The following EXOC6 variants were observed in gnomAD, a reference collection of about 807,000 sequenced individuals.
EXOC6 encodes exocyst complex component 6.
EXOC6 carries 60 observed loss-of-function variants against 112.5 expected under a neutral mutation model. That is an observed-to-expected ratio of 0.53 (90% confidence interval 0.43 to 0.66). The LOEUF is 0.66. Ranked by LOEUF, EXOC6 falls within the 30% of genes least tolerant of loss-of-function variation. The probability of loss-of-function intolerance (pLI) is 0.00; values close to 1 mark genes in which losing one functional copy is unlikely to be tolerated. For synonymous variants in EXOC6, 295 were observed against 308.0 expected (o/e 0.96, Z 0.44); for missense variants, 855 against 957.1 (o/e 0.89, Z 1.41).
chr10:93,055,302 A>G (rs1400175016), intron 20 of EXOC6, among the ~76,000 whole-genome samples: 1 of 152,252 alleles, frequency 6.6e-6, no homozygotes, highest in Non-Finnish European at 1.5e-5. Flanking sequence ...GTCATCATAC[A>G]GATAGACCTC....
At chr10:92,936,826 G>A (rs1425517178) in intron 12 of EXOC6, among the ~76,000 whole-genome samples, 2 of 151,834 alleles carry the variant, frequency 1.3e-5, no homozygotes, top group Admixed American at 6.6e-5. Context: ...CTCCCTCCTC[G>A]ATATTAGGAA....
At chr10:92,984,008 A>G (rs1166516554) in intron 18 of EXOC6, among the ~76,000 whole-genome samples, 1 of 152,172 alleles carries the variant, frequency 6.6e-6, no homozygotes, top group Non-Finnish European at 1.5e-5. Flanking sequence ...CATTCTGACA[A>G]CCACAATCAA....
chr10:93,023,896 A>C (rs904165720), intron 20 of EXOC6, among the ~76,000 whole-genome samples: 1 of 146,546 alleles, frequency 6.8e-6, no homozygotes, highest in Non-Finnish European at 1.5e-5. Flanking sequence ...TTCACTAAAT[A>C]TCACTGGGAA....
chr10:92,860,496 C>T (rs1472420562), intron 1 of EXOC6, among the ~76,000 whole-genome samples: 4 of 151,952 alleles, frequency 2.6e-5, no homozygotes, highest in East Asian at 1.9e-4. Flanking sequence ...CTCCTGACCT[C>T]GTGATCCACC....
At chr10:92,936,995 T>C (rs561210189) in intron 12 of EXOC6, among the ~76,000 whole-genome samples, 1 of 152,172 alleles carries the variant, frequency 6.6e-6, no homozygotes, top group Non-Finnish European at 1.5e-5. Flanking sequence ...AGGAACAATG[T>C]CACCCCCTGA....
intron 18 of EXOC6, among the ~76,000 whole-genome samples, chr10:92,983,773 A>G (rs893299939): frequency 2.6e-5 from 4 of 152,020 alleles, no homozygotes; most frequent in Non-Finnish European, 1.5e-5. Flanking sequence ...TCCCAAAGTG[A>G]TAGGATTATA....
chr10:93,039,367 C>T (rs1845662116), intron 20 of EXOC6, among the ~76,000 whole-genome samples: 1 of 152,120 alleles, frequency 6.6e-6, no homozygotes, highest in Non-Finnish European at 1.5e-5. Context: ...TACCAATTAC[C>T]TTCAAATTGT....
At chr10:92,876,832 C>T (rs1309623650) in intron 1 of EXOC6, among the ~76,000 whole-genome samples, 2 of 152,160 alleles carry the variant, frequency 1.3e-5, no homozygotes, top group Admixed American at 6.5e-5. Context: ...CCTATGCATG[C>T]CCCTTTTCAT....
At chr10:92,935,527 A>G (rs1181396185) in intron 11 of EXOC6, among the ~76,000 whole-genome samples, 1 of 152,120 alleles carries the variant, frequency 6.6e-6, no homozygotes, top group East Asian at 1.9e-4. Flanking sequence ...GAAATGTGAA[A>G]ATACATAGTC....
At chr10:92,928,095 A>G (rs1027546156) in intron 8 of EXOC6, among the ~76,000 whole-genome samples, 6 of 152,224 alleles carry the variant, frequency 3.9e-5, no homozygotes, top group Admixed American at 3.9e-4. Flanking sequence ...AGCCTAAGTA[A>G]TAAGTTTGGT....
intron 1 of EXOC6, among the ~76,000 whole-genome samples, chr10:92,853,783 A>G (rs61860817): frequency 0.011 from 1,718 of 152,346 alleles, 19 homozygotes; most frequent in Non-Finnish European, 0.017. Context: ...CTATAAGACT[A>G]CTAGAAAACA....
chr10:93,022,632 G>T (rs1358769579), intron 20 of EXOC6, among the ~76,000 whole-genome samples: 1 of 152,046 alleles, frequency 6.6e-6, no homozygotes, highest in Non-Finnish European at 1.5e-5. Flanking sequence ...AATTGAAAAA[G>T]ATAGATATTT....
intron 4 of EXOC6, 146 bp downstream of exon 4, chr10:92,895,166 T>G (rs930755827): frequency 5.1e-5 from 32 of 626,172 alleles, no homozygotes; most frequent in Non-Finnish European, 8.8e-5. Flanking sequence ...CAGGTTCATT[T>G]TATTCCCTGA....
At chr10:92,970,742 C>T (rs993521066) in intron 17 of EXOC6, among the ~76,000 whole-genome samples, 1 of 152,192 alleles carries the variant, frequency 6.6e-6, no homozygotes, top group Non-Finnish European at 1.5e-5. Context: ...GAAATATCTT[C>T]GAATTCTTGT....
At chr10:92,942,692 A>G (rs1296843854) in intron 13 of EXOC6, among the ~76,000 whole-genome samples, 1 of 152,170 alleles carries the variant, frequency 6.6e-6, no homozygotes, top group African/African-American at 2.4e-5. Flanking sequence ...TATAGTTATA[A>G]AATCTTATAG....
At chr10:92,978,290 G>T (rs562252065) in intron 18 of EXOC6, among the ~76,000 whole-genome samples, 17 of 151,988 alleles carry the variant, frequency 1.1e-4, no homozygotes, top group Non-Finnish European at 1.9e-4. Flanking sequence ...TGTACCTTTA[G>T]TCTTGGCTAC....
chr10:93,026,232 A>C (rs529197161), intron 20 of EXOC6, among the ~76,000 whole-genome samples: 23 of 152,314 alleles, frequency 1.5e-4, no homozygotes, highest in Middle Eastern at 6.8e-3. Context: ...AAACATATGC[A>C]CACATTTCCG....
chr10:92,894,880 T>C, intron 3 of EXOC6, 39 bp downstream of exon 3: 1 of 1,609,908 alleles, frequency 6.2e-7, no homozygotes, highest in South Asian at 1.1e-5. Flanking sequence ...CAGTATGTAG[T>C]TGTTCTTTAA....
intron 20 of EXOC6, among the ~76,000 whole-genome samples, chr10:93,054,135 CT>C: frequency 6.6e-6 from 1 of 152,178 alleles, no homozygotes. Context: ...GTGTGAATAG[CT>C]TTTCTTTATA....
Sources: allele counts gnomAD v4.1 joint callset (sites outside exome capture counted in the v4.1 genomes callset), GRCh38; gene constraint gnomAD v4.1.1; transcripts MANE v1.5; gene names NCBI Gene and HGNC (gene_info 2026-07-23, HGNC 2026-07-21).